Variants in CD36 observed in about 807,000 individuals in gnomAD.
The protein encoded by CD36 is CD36 molecule (CD36 blood group), also known as platelet glycoprotein 4.
In CD36, 119 loss-of-function variants were observed where a neutral mutation model predicts 55.2. The observed-to-expected ratio is 2.15, with a 90% CI of 1.86 to 2.51. The LOEUF is 2.51. Ranked by LOEUF, CD36 falls within the 30% of genes most tolerant of loss-of-function variation. CD36 has a pLI of 0.00. For missense variants in CD36, 819 were observed against 555.5 expected, an observed-to-expected ratio of 1.47 and a Z score of -4.77; for synonymous variants, 186 against 193.6, an observed-to-expected ratio of 0.96 and a Z score of 0.33.
intron 8 of CD36, 41 bp downstream of exon 8, chr7:80,666,530 TCCCTTTC>T: frequency 2.1e-6 from 3 of 1,451,048 alleles, no homozygotes; most frequent in Non-Finnish European, 2.9e-6. Context: ...TTAATCCACC[TCCCTTTC>T]CCACAAATCC....
At chr7:80,656,949 A>G (rs953048880) in intron 4 of CD36, among the ~76,000 whole-genome samples, 1 of 152,188 alleles carries the variant, frequency 6.6e-6, no homozygotes, top group African/African-American at 2.4e-5. Flanking sequence ...TATAGAAAAG[A>G]TAAACAGATT....
chr7:80,672,879 TGTAGTATC>T (rs771979265), intron 12 of CD36, 36 bp downstream of exon 12: 16 of 1,322,244 alleles, frequency 1.2e-5, no homozygotes, highest in African/African-American at 5.8e-5. Context: ...TGATATGATC[TGTAGTATC>T]GTAGTATCTT....
chr7:80,646,621 C>A, intron 2 of CD36, 31 bp from the exon 3 acceptor site: 2 of 1,205,236 alleles, frequency 1.7e-6, no homozygotes, highest in East Asian at 2.4e-5. Flanking sequence ...GATATTTAAG[C>A]TTCTGTTTTA....
At chr7:80,623,239 C>T (rs1793568508) in intron 1 of CD36, among the ~76,000 whole-genome samples, 1 of 152,096 alleles carries the variant, frequency 6.6e-6, no homozygotes. Flanking sequence ...CTGTCCACTT[C>T]ATGAAAGTAG....
intron 4 of CD36, among the ~76,000 whole-genome samples, chr7:80,659,586 A>C (rs1366253427): frequency 6.6e-6 from 1 of 152,314 alleles, no homozygotes; most frequent in Non-Finnish European, 1.5e-5. Context: ...CAAAAAATTC[A>C]GTAATTATGT....
At chr7:80,631,355 C>A (rs192159163) in intron 1 of CD36, among the ~76,000 whole-genome samples, 88 of 151,984 alleles carry the variant, frequency 5.8e-4, no homozygotes, top group Non-Finnish European at 1.1e-3. Context: ...TGAAAGATTT[C>A]TTTCTGCATA....
intron 1 of CD36, chr7:80,624,976 G>A (rs1793662483): frequency 6.6e-6 from 1 of 152,034 alleles, no homozygotes; most frequent in South Asian, 2.1e-4. Flanking sequence ...GGCATTCCTG[G>A]CATGGTCACA....
At chr7:80,650,636 GA>G (rs995955978) in intron 3 of CD36, among the ~76,000 whole-genome samples, 22 of 152,054 alleles carry the variant, frequency 1.4e-4, no homozygotes, top group Admixed American at 5.9e-4. Context: ...GTGATATTTG[GA>G]AAAAAATAAT....
At chr7:80,622,271 G>A (rs1482240298) in intron 1 of CD36, among the ~76,000 whole-genome samples, 6 of 152,224 alleles carry the variant, frequency 3.9e-5, no homozygotes, top group Admixed American at 2.6e-4. Flanking sequence ...CTTGGGAAAC[G>A]CTGAATGCTG....
intron 1 of CD36, among the ~76,000 whole-genome samples, chr7:80,609,804 T>A (rs1326055006): frequency 6.6e-6 from 1 of 152,114 alleles, no homozygotes; most frequent in Non-Finnish European, 1.5e-5. Context: ...AGTATTAGAG[T>A]CAGAAAAAAT....
upstream of CD36, among the ~76,000 whole-genome samples, chr7:80,635,790 C>CA (rs1255149303): frequency 6.6e-6 from 1 of 152,146 alleles, no homozygotes; most frequent in Non-Finnish European, 1.5e-5. Flanking sequence ...TAATCTGAAT[C>CA]AAACCATTAC....
chr7:80,675,679 C>T (rs879159885), intron 14 of CD36, among the ~76,000 whole-genome samples: 1 of 151,958 alleles, frequency 6.6e-6, no homozygotes, highest in African/African-American at 2.4e-5. Flanking sequence ...TGTAGATTTT[C>T]TTAAGCAAAA....
At chr7:80,605,100 T>C (rs1792468072) in intron 1 of CD36, among the ~76,000 whole-genome samples, 2 of 152,152 alleles carry the variant, frequency 1.3e-5, no homozygotes, top group Admixed American at 1.3e-4. Context: ...ATCCTGTCTT[T>C]CCAGAGAAGA....
At chr7:80,644,017 A>G (rs1794983509) in intron 1 of CD36, among the ~76,000 whole-genome samples, 1 of 152,210 alleles carries the variant, frequency 6.6e-6, no homozygotes, top group South Asian at 2.1e-4. Context: ...GAACACCAGC[A>G]TGACATTCTC....
chr7:80,664,933 A>G (rs962983875), intron 7 of CD36, among the ~76,000 whole-genome samples: 1 of 152,032 alleles, frequency 6.6e-6, no homozygotes, highest in East Asian at 1.9e-4. Context: ...AGCATATCGA[A>G]TTCCATATTC....
intron 1 of CD36, among the ~76,000 whole-genome samples, chr7:80,603,692 A>G (rs1300029675): frequency 6.8e-6 from 1 of 146,758 alleles, no homozygotes; most frequent in Admixed American, 6.8e-5. Flanking sequence ...AGTTCAAGAA[A>G]GCTAACACCT....
Position 80,678,006 on chromosome 7 carries a change from A to C in CD36, c.*1623A>C, listed in dbSNP as rs1798214008. ...GAAAGACAATTCATATACAAAGACA[A>C]CGAGATTAAAAATATGCAGTAGGAA... On this transcript the variant is annotated 3_prime_UTR_variant, in exon 15 of 15. Coordinates refer to ENST00000447544, the MANE Select transcript of CD36 (RefSeq NM_001001548.3). 1 of 152,196 alleles carries C rather than the reference A, an allele frequency of 6.6e-6. No homozygotes were observed. Among genetic ancestry groups the C allele is most frequent in the African/African-American group, 2.4e-5 (1 of 41,452 alleles). The allele number at this position is 152,196 out of a possible 1,614,324, so 9.4% of individuals were successfully genotyped here.
At chr7:80,674,308 C>G in intron 14 of CD36, 161 bp downstream of exon 14, 1 of 594,106 alleles carries the variant, frequency 1.7e-6, no homozygotes, top group East Asian at 2.9e-5. Flanking sequence ...TAAATATTAT[C>G]ACGCAGATCA....
At chr7:80,646,600 C>A in intron 2 of CD36, 52 bp from the exon 3 acceptor site, 2 of 990,192 alleles carry the variant, frequency 2.0e-6, no homozygotes, top group Non-Finnish European at 3.2e-6. Flanking sequence ...GTACTTTGAT[C>A]TTTTTGTACT....
Sources: allele counts gnomAD v4.1 joint callset (sites outside exome capture counted in the v4.1 genomes callset), GRCh38; gene constraint gnomAD v4.1.1; transcripts MANE v1.5; gene names NCBI Gene and HGNC (gene_info 2026-07-23, HGNC 2026-07-21).